Variants in DNAJC6 observed in about 807,000 individuals in gnomAD.
DNAJC6 encodes the protein DnaJ heat shock protein family (Hsp40) member C6.
A neutral mutation model predicts 110.0 loss-of-function variants in DNAJC6; 34 were observed. The observed-to-expected ratio is 0.31, with a 90% CI of 0.24 to 0.41. The LOEUF is 0.41. Ranked by LOEUF, DNAJC6 falls within the 10% of genes least tolerant of loss-of-function variation. The pLI is 1.00. For synonymous variants in DNAJC6, 406 were observed against 437.2 expected (o/e 0.93, Z 0.89); for missense variants, 1,031 against 1,207.8 (o/e 0.85, Z 2.17).
At chr1:65,367,421 A>G (rs1645657153) in intron 4 of DNAJC6, among the ~76,000 whole-genome samples, 1 of 152,204 alleles carries the variant, frequency 6.6e-6, no homozygotes, top group Non-Finnish European at 1.5e-5. Flanking sequence ...TATTCCATCT[A>G]TTAGCTAATT....
intron 17 of DNAJC6, among the ~76,000 whole-genome samples, 164 bp from the exon 18 acceptor site, chr1:65,411,086 T>C (rs373496968): frequency 1.6e-4 from 25 of 151,990 alleles, no homozygotes; most frequent in African/African-American, 3.9e-4. Flanking sequence ...AGGTAGGAGA[T>C]TGAGGAGGAG....
At chr1:65,405,777 G>T in intron 15 of DNAJC6, 93 bp from the exon 16 acceptor site, 1 of 1,427,608 alleles carries the variant, frequency 7.0e-7, no homozygotes, top group Non-Finnish European at 9.4e-7. Context: ...TCAAGGGAAT[G>T]ACTATTAAAG....
At chr1:65,372,146 G>GGTGTGTGTGTGTGT (rs59816601) in intron 4 of DNAJC6, among the ~76,000 whole-genome samples, 1 of 140,998 alleles carries the variant, frequency 7.1e-6, no homozygotes, top group African/African-American at 2.6e-5. Context: ...TGACATTTGG[G>GGTGTGTGTGTGTGT]GTGTGTGTGT....
chr1:65,385,766 C>G lies in DNAJC6; in HGVS notation c.855C>G (p.Phe285Leu). Reference sequence around the variant, plus strand: ...CAGACAAGCCCTACCGCCCTCACTTCAAGCCTCTCACAATTAAGTCGATCA... The same window carrying G: ...CAGACAAGCCCTACCGCCCTCACTTGAAGCCTCTCACAATTAAGTCGATCA... ...LLADKPYRPH[F>L]KPLTIKSITV... Residue 285 changes from phenylalanine to leucine, a missense_variant, in exon 7 of 19, where the codon TTC becomes TTG. Phe to Leu is a conservative substitution (Grantham distance 22). Transcript: ENST00000371069. 1 of 1,614,030 alleles carries G rather than the reference C, an allele frequency of 6.2e-7. No homozygotes were observed. Among genetic ancestry groups the G allele is most frequent in the Non-Finnish European group, 8.5e-7 (1 of 1,179,924 alleles).
Position 65,309,784 on chromosome 1 carries a change from C to T in DNAJC6, c.39C>T (p.Asn13=). Residue 13 remains asparagine (N), a synonymous_variant, in exon 1 of 19, where the codon AAC becomes AAT. Transcript: ENST00000371069. ...GGAGCTACCGGAAAAAGACCAGCAA[C>T]GATGGTTATGAATCTTTGCAGCTGG... ...LLGSYRKKTS[N]DGYESLQLVD... is the part of the protein sequence containing the mutation. The T allele has an allele frequency of 6.5e-7, 1 of 1,549,502 alleles. No individual in the cohort carries two copies. The highest frequency in any genetic ancestry group is 8.7e-7 in the Non-Finnish European group (1 of 1,146,490).
At chr1:65,274,304 T>C (rs994864827) in intron 1 of DNAJC6, among the ~76,000 whole-genome samples, 7 of 152,006 alleles carry the variant, frequency 4.6e-5, no homozygotes. Context: ...TTGTATACTT[T>C]TTCTTTTTTA....
At chr1:65,309,433 C>A, upstream of DNAJC6, 1 of 628,942 alleles carries the variant, frequency 1.6e-6, no homozygotes, top group Non-Finnish European at 2.1e-6. Context: ...GAGGTGCTGG[C>A]CTGGGGCCCG....
chr1:65,281,293 C>A (rs750832907), intron 1 of DNAJC6, among the ~76,000 whole-genome samples: 83 of 152,284 alleles, frequency 5.5e-4, no homozygotes, highest in Non-Finnish European at 9.6e-4. Context: ...ATATAATTCA[C>A]ATACCATAAA....
At chr1:65,352,062 G>A (rs1645495899) in intron 1 of DNAJC6, among the ~76,000 whole-genome samples, 3 of 152,022 alleles carry the variant, frequency 2.0e-5, no homozygotes, top group Admixed American at 6.6e-5. Flanking sequence ...CACTGCACCC[G>A]GCCTTATAAA....
intron 1 of DNAJC6, among the ~76,000 whole-genome samples, chr1:65,333,752 C>G (rs2101462213): frequency 6.6e-6 from 1 of 152,200 alleles, no homozygotes; most frequent in East Asian, 1.9e-4. Context: ...TAATAATGCT[C>G]TCTACAATGT....
chr1:65,386,713 C>G (rs1645876366), intron 7 of DNAJC6, 99 bp from the exon 8 acceptor site: 3 of 1,043,794 alleles, frequency 2.9e-6, no homozygotes, highest in African/African-American at 1.6e-5. Context: ...CCTGGGCGAA[C>G]AGTCCTCTGG....
At chr1:65,320,773 AG>A (rs1262767665) in intron 1 of DNAJC6, among the ~76,000 whole-genome samples, 1 of 152,178 alleles carries the variant, frequency 6.6e-6, no homozygotes, top group Non-Finnish European at 1.5e-5. Flanking sequence ...ATGGAGGGCT[AG>A]AGCAAGCAGA....
intron 1 of DNAJC6, among the ~76,000 whole-genome samples, chr1:65,320,013 T>C (rs917949064): frequency 2.0e-5 from 3 of 152,202 alleles, no homozygotes; most frequent in Non-Finnish European, 4.4e-5. Flanking sequence ...TTTTGGGATA[T>C]GTGTACGCAT....
At chr1:65,272,605 T>A (rs1308194623) in intron 1 of DNAJC6, among the ~76,000 whole-genome samples, 1 of 152,264 alleles carries the variant, frequency 6.6e-6, no homozygotes, top group Non-Finnish European at 1.5e-5. Flanking sequence ...GAGATTAGAA[T>A]TATTCTTTAA....
At chr1:65,375,512 G>A (rs571277378) in intron 4 of DNAJC6, among the ~76,000 whole-genome samples, 18 of 150,742 alleles carry the variant, frequency 1.2e-4, no homozygotes, top group African/African-American at 3.9e-4. Flanking sequence ...TGCAAGCTCC[G>A]CCTCATGGGT....
At chr1:65,297,265 C>T (rs943642770) in intron 1 of DNAJC6, among the ~76,000 whole-genome samples, 1 of 152,090 alleles carries the variant, frequency 6.6e-6, no homozygotes, top group African/African-American at 2.4e-5. Context: ...TTAGCTGGTC[C>T]TAGAATGCAG....
chr1:65,352,044 G>A (rs1408945401), intron 1 of DNAJC6, among the ~76,000 whole-genome samples: 2 of 152,122 alleles, frequency 1.3e-5, no homozygotes, highest in South Asian at 2.1e-4. Context: ...AGGATTACAG[G>A]TGTGGGCCAC....
chr1:65,307,049 A>T (rs1645051370), upstream of DNAJC6, among the ~76,000 whole-genome samples: 1 of 138,182 alleles, frequency 7.2e-6, no homozygotes, highest in African/African-American at 2.8e-5. Context: ...TATGTTAGGT[A>T]CTAATCTAAT....
At chr1:65,351,414 T>A (rs7516118) in intron 1 of DNAJC6, among the ~76,000 whole-genome samples, 110,082 of 152,168 alleles carry the variant, frequency 0.72, 41,240 homozygotes, top group African/African-American at 0.93. Context: ...TGGTTGTGGG[T>A]TCATATTTTA....
Sources: gnomAD v4.1 joint callset for allele counts (sites outside exome capture counted in the v4.1 genomes callset) on GRCh38, gnomAD v4.1.1 for gene constraint, MANE v1.5 for transcripts, NCBI Gene and HGNC (gene_info 2026-07-23, HGNC 2026-07-21) for gene names.